The following PIEZO2 variants were observed in gnomAD, a reference collection of about 807,000 sequenced individuals.
The protein encoded by PIEZO2 is piezo type mechanosensitive ion channel component 2, also known as piezo-type mechanosensitive ion channel component 2.
A neutral mutation model predicts 337.3 loss-of-function variants in PIEZO2; 172 were observed. The observed-to-expected ratio is 0.51, with a 90% CI of 0.45 to 0.58. The LOEUF (loss-of-function observed/expected upper bound fraction) is 0.58. Among genes scored for constraint, PIEZO2 ranks in the 20% least tolerant of loss-of-function variants. The probability of loss-of-function intolerance (pLI) is 0.00; values close to 1 mark genes in which losing one functional copy is unlikely to be tolerated. For synonymous variants in PIEZO2, 1,251 were observed against 1,228.5 expected, an observed-to-expected ratio of 1.02 and a Z score of -0.38; for missense variants, 3,028 against 3,391.3, an observed-to-expected ratio of 0.89 and a Z score of 2.66.
intron 3 of PIEZO2, among the ~76,000 whole-genome samples, chr18:10,975,872 G>C (rs1432961126): frequency 6.6e-6 from 1 of 152,160 alleles, no homozygotes; most frequent in Non-Finnish European, 1.5e-5. Context: ...ATTTACCAAT[G>C]TCTTGAACAT....
chr18:10,821,140 T>G lies in PIEZO2; in HGVS notation c.918-13866A>C, dbSNP rs1014913419. On this transcript the variant is annotated intron_variant, in intron 7 of 55. Coordinates refer to ENST00000674853, the MANE Select transcript of PIEZO2 (RefSeq NM_001378183.1). The surrounding 1 kb of genome is among the most constrained non-coding windows in gnomAD (Gnocchi z 4.2). ...GCCACAAATATCAGCCTTCTCATCC[T>G]CTCCAAATTCCCATCTTCAGCTCAG... Among the ~76,000 whole-genome samples the G allele has an allele frequency of 3.3e-5, 5 of 152,086 alleles. No homozygotes were observed. Among genetic ancestry groups the G allele is most frequent in the Non-Finnish European group, 4.4e-5 (3 of 68,018 alleles).
At chr18:10,785,088 A>C in intron 16 of PIEZO2, 131 bp from the exon 17 acceptor site, 1 of 913,182 alleles carries the variant, frequency 1.1e-6, no homozygotes, top group Non-Finnish European at 1.5e-6. Flanking sequence ...TCTCTCCCAT[A>C]TGGTCCAATA....
At position 10,749,984 on chromosome 18, in the gene PIEZO2, C is replaced by T. The variant is rs2037583562; in HGVS notation, c.4264+107G>A. Reference sequence around the variant, plus strand: ...ACAGCCTCCATCTGGAGAAAACTGACCCCACTTTTATATCTTTATGTGCTT... The same window carrying T: ...ACAGCCTCCATCTGGAGAAAACTGATCCCACTTTTATATCTTTATGTGCTT... On this transcript the variant is annotated intron_variant, in intron 29 of 55. Coordinates refer to ENST00000674853, the MANE Select transcript of PIEZO2 (RefSeq NM_001378183.1). 1.6e-5 allele frequency: 13 copies of T among 789,588 alleles called. No homozygotes were observed. In the East Asian group the frequency reaches 3.5e-4, roughly 21 times the overall value. 48.9% of individuals were successfully genotyped at this position (789,588 alleles called of 1,614,324 possible). A position where few individuals can be genotyped will look rare whatever the true frequency, so the allele number is the denominator to read the frequency against.
intron 18 of PIEZO2, among the ~76,000 whole-genome samples, chr18:10,774,854 T>G (rs1199304557): frequency 6.6e-6 from 1 of 152,230 alleles, no homozygotes; most frequent in Non-Finnish European, 1.5e-5. Flanking sequence ...CAATAAATAA[T>G]ATTATTCTAT....
chr18:11,070,283 A>G lies in PIEZO2; in HGVS notation c.65-4061T>C, dbSNP rs956107479. 6.6e-6 allele frequency among the ~76,000 whole-genome samples: 1 copy of G among 152,228 alleles called. No homozygotes were observed. The highest frequency in any genetic ancestry group is 6.5e-5 in the Admixed American group (1 of 15,284). ...TCTAAATACAGAAAAAGTACAGTAA[A>G]AATACGGCACTATAATCTTAGGGGA... On this transcript the variant is annotated intron_variant, in intron 1 of 55. Coordinates refer to ENST00000674853, the MANE Select transcript of PIEZO2 (RefSeq NM_001378183.1). The surrounding 1 kb of genome is among the most constrained non-coding windows in gnomAD (Gnocchi z 4.3).
intron 7 of PIEZO2, among the ~76,000 whole-genome samples, chr18:10,851,155 C>CTTTTTTTTTTTTTTTTTTTTCT (rs10592305): frequency 7.8e-6 from 1 of 127,936 alleles, no homozygotes; most frequent in African/African-American, 2.9e-5. Flanking sequence ...TTTCTTTTAT[C>CTTTTTTTTTTTTTTTTTTTTCT]TTTTTTTTTT....
chr18:11,072,536 C>A (rs1598915427), intron 1 of PIEZO2, among the ~76,000 whole-genome samples: 1 of 152,278 alleles, frequency 6.6e-6, no homozygotes, highest in African/African-American at 2.4e-5. Flanking sequence ...GTGCATGTAA[C>A]TATTCATTTA....
At position 10,856,609 on chromosome 18, in the gene PIEZO2, A is replaced by T. The variant is rs916249903; in HGVS notation, c.703+392T>A. Among the ~76,000 whole-genome samples the T allele has an allele frequency of 6.6e-6, 1 of 152,242 alleles. No homozygotes were observed. The highest frequency in any genetic ancestry group is 2.4e-5 in the African/African-American group (1 of 41,464). On this transcript the variant is annotated intron_variant, in intron 6 of 55. Transcript: ENST00000674853. This position sits in a 1 kb window ranked among gnomAD's most constrained non-coding sequence, Gnocchi z 4.7. The stretch of plus-strand genomic sequence containing the variant: ...GTTATATTAAGGTGACTATGGACTC[A>T]TGTAAGCAGACAGACCTCCAGAACC...
chr18:10,994,795 C>T (rs2035244872), intron 2 of PIEZO2, among the ~76,000 whole-genome samples: 1 of 151,796 alleles, frequency 6.6e-6, no homozygotes, highest in South Asian at 2.1e-4. Context: ...GAATTGTTCC[C>T]TGTTTGCCAG....
chr18:10,979,758 C>T lies in PIEZO2; in HGVS notation c.161-98G>A, dbSNP rs148686623. 345 of 1,094,958 alleles carry T rather than the reference C, an allele frequency of 3.2e-4. 2 individuals are homozygous for T. In the East Asian group the frequency reaches 7.0e-3, roughly 22 times the overall value. 67.8% of individuals were successfully genotyped at this position (1,094,958 alleles called of 1,614,324 possible). On this transcript the variant is annotated intron_variant, in intron 2 of 55. Transcript: ENST00000674853. The surrounding 1 kb of genome is among the most constrained non-coding windows in gnomAD (Gnocchi z 4.0). The stretch of plus-strand genomic sequence containing the variant: ...TTTCTGTATAACCTATTAGATAGAC[C>T]GACTCAAAAGTATATGGAATGTAAT...
rs2039218874 is a variant in PIEZO2, at chr18:10,786,240, T to C, written c.2318+796A>G. 2.0e-5 allele frequency among the ~76,000 whole-genome samples: 3 copies of C among 152,368 alleles called. No individual in the cohort carries two copies. In the South Asian group the frequency reaches 6.2e-4, roughly 32 times the overall value. On this transcript the variant is annotated intron_variant, in intron 16 of 55. Coordinates refer to ENST00000674853, the MANE Select transcript of PIEZO2 (RefSeq NM_001378183.1). The stretch of plus-strand genomic sequence containing the variant: ...CCTGTCACAAAGTATAATAGACTTA[T>C]TTTACACTAAATAGTTTTGTTTGTC...
intron 3 of PIEZO2, among the ~76,000 whole-genome samples, chr18:10,931,194 T>C (rs1236522863): frequency 6.6e-6 from 1 of 151,880 alleles, no homozygotes. Flanking sequence ...TTTTATTGTA[T>C]TTATTTATTT....
chr18:10,916,641 C>T (rs1210105769), intron 3 of PIEZO2, among the ~76,000 whole-genome samples: 1 of 152,166 alleles, frequency 6.6e-6, no homozygotes, highest in Non-Finnish European at 1.5e-5. Context: ...AAGCAAAGTC[C>T]CAGTTCCTGC....
rs915770975 is a variant in PIEZO2 at position 11,002,597 on chromosome 18, T to C, written c.161-22937A>G. On this transcript the variant is annotated intron_variant, in intron 2 of 55. Transcript: ENST00000674853. The surrounding 1 kb of genome is among the most constrained non-coding windows in gnomAD (Gnocchi z 4.3). The stretch of plus-strand genomic sequence containing the variant: ...TAATTTCACCATTTCCAGAAGGAAA[T>C]TGGAAAAAATATCAGAGCTCAATTT... Among the ~76,000 whole-genome samples, 2 of 152,076 alleles carry C rather than the reference T, an allele frequency of 1.3e-5. No homozygotes were observed. The highest frequency in any genetic ancestry group is 2.4e-5 in the African/African-American group (1 of 41,422).
At chr18:10,791,521 T>G (rs1300024359) in intron 13 of PIEZO2, 197 bp from the exon 14 acceptor site, 3 of 474,960 alleles carry the variant, frequency 6.3e-6, no homozygotes, top group Non-Finnish European at 6.7e-6. Context: ...GATGCTCCCA[T>G]GTTTGTGTTG....
At chr18:10,741,935 C>A (rs1169279941) in intron 32 of PIEZO2, among the ~76,000 whole-genome samples, 2 of 151,956 alleles carry the variant, frequency 1.3e-5, no homozygotes, top group South Asian at 4.2e-4. Context: ...GGGCGGATCA[C>A]GAGGTCAGGA....
chr18:10,863,800 T>C lies in PIEZO2; in HGVS notation c.493-6589A>G, dbSNP rs543196816. Among the ~76,000 whole-genome samples the C allele has an allele frequency of 6.6e-6, 1 of 152,040 alleles. No homozygotes were observed. The highest frequency in any genetic ancestry group is 1.9e-4 in the East Asian group (1 of 5,184). ...GACTAGCCAAATACAATTGACTGTT[T>C]AAAGGCTTTTTTCTTTAAGATATTT... On this transcript the variant is annotated intron_variant, in intron 5 of 55. Coordinates refer to ENST00000674853, the MANE Select transcript of PIEZO2 (RefSeq NM_001378183.1). This position sits in a 1 kb window ranked among gnomAD's most constrained non-coding sequence, Gnocchi z 4.3.
chr18:10,857,277 G>C, intron 5 of PIEZO2, 66 bp from the exon 6 acceptor site: 1 of 1,370,464 alleles, frequency 7.3e-7, no homozygotes, highest in Non-Finnish European at 1.0e-6. Context: ...GCAGATTATA[G>C]AGCTTCTAAT....
intron 1 of PIEZO2, among the ~76,000 whole-genome samples, chr18:11,139,150 G>A (rs904638545): frequency 5.3e-5 from 8 of 152,104 alleles, no homozygotes; most frequent in African/African-American, 1.9e-4. Context: ...TGACATCTAA[G>A]GTTTGCAACA....
Sources: gnomAD v4.1 joint callset for allele counts (sites outside exome capture counted in the v4.1 genomes callset) on GRCh38, gnomAD v4.1.1 for gene constraint, Gnocchi (gnomAD v3.1) non-coding constraint, MANE v1.5 for transcripts, NCBI Gene and HGNC (gene_info 2026-07-23, HGNC 2026-07-21) for gene names.